PAIP2: variants seen among roughly 807,000 people sequenced by gnomAD.
PAIP2 encodes poly(A) binding protein interacting protein 2.
In PAIP2, 7 loss-of-function variants were observed where a neutral mutation model predicts 14.8. That is an observed-to-expected ratio of 0.47 (90% confidence interval 0.27 to 0.89). PAIP2 has a LOEUF of 0.89. Ranked by LOEUF, PAIP2 falls within the 40% of genes least tolerant of loss-of-function variation. The pLI is 0.13. For synonymous variants in PAIP2, 47 were observed against 45.3 expected (o/e 1.04, Z -0.15); for missense variants, 122 against 154.7 (o/e 0.79, Z 1.12).
Position 139,363,918 on chromosome 5 carries a change from G to A in PAIP2, c.134G>A (p.Arg45Lys), listed in dbSNP as rs1479367306. The change falls in exon 2 of 4, where the codon AGA becomes AAA. Residue 45 changes from arginine (R) to lysine (K), a missense_variant. Around this residue, in one of 3 missense-constraint regions of PAIP2, gnomAD observed 34 missense variants for 74.0 expected, o/e 0.46. Transcript: ENST00000265192. ...MWMENEEEFN[R>K]QIEEELWEEE... The stretch of plus-strand genomic sequence containing the variant: ...ATGGAAAATGAAGAAGAATTCAACA[G>A]ACAAGTTAGTTTTTTGTACAAACAT... 1 of 1,613,426 alleles carries A rather than the reference G, an allele frequency of 6.2e-7. No homozygotes were observed. The highest frequency in any genetic ancestry group is 1.1e-5 in the South Asian group (1 of 90,952).
chr5:139,359,931 A>C (rs1376236401), intron 1 of PAIP2, among the ~76,000 whole-genome samples: 1 of 151,418 alleles, frequency 6.6e-6, no homozygotes, highest in African/African-American at 2.4e-5. Context: ...AGATTGCACC[A>C]CTGTACTCTC....
At chr5:139,355,279 C>T (rs1437804905) in intron 1 of PAIP2, among the ~76,000 whole-genome samples, 3 of 149,758 alleles carry the variant, frequency 2.0e-5, no homozygotes, top group Admixed American at 6.8e-5. Flanking sequence ...AAGTGATTCT[C>T]CTGCCTCAGC....
intron 2 of PAIP2, 95 bp downstream of exon 2, chr5:139,364,017 A>G (rs1757147736): frequency 5.5e-6 from 6 of 1,083,456 alleles, no homozygotes; most frequent in South Asian, 4.3e-5. Context: ...TCCTTTATGT[A>G]TAAAGTATGT....
intron 1 of PAIP2, chr5:139,342,351 C>T (rs753466482): frequency 6.6e-6 from 1 of 152,188 alleles, no homozygotes; most frequent in Non-Finnish European, 1.5e-5. Context: ...CCCACCGCCT[C>T]GGCAACAAAG....
At chr5:139,357,043 GC>G (rs1347631799) in intron 1 of PAIP2, among the ~76,000 whole-genome samples, 1 of 152,080 alleles carries the variant, frequency 6.6e-6, no homozygotes, top group Non-Finnish European at 1.5e-5. Context: ...TGTGTGTGTG[GC>G]CATTGAAATC....
rs1271614722 is a variant in PAIP2 at position 139,363,874 on chromosome 5, A to G, written c.90A>G (p.Pro30=). 1.2e-6 allele frequency: 2 copies of G among 1,613,900 alleles called. No individual in the cohort carries two copies. ...INGHSHEDDN[P]FAEYMWMENE... Reference sequence around the variant, plus strand: ...GTCATTCTCATGAAGATGACAATCCATTTGCAGAGTACATGTGGATGGAAA... The same window carrying G: ...GTCATTCTCATGAAGATGACAATCCGTTTGCAGAGTACATGTGGATGGAAA... Residue 30 remains proline (P), a synonymous_variant, in exon 2 of 4, where the codon CCA becomes CCG. Transcript: ENST00000265192.
At chr5:139,349,753 C>T (rs1199204621) in intron 1 of PAIP2, among the ~76,000 whole-genome samples, 3 of 151,962 alleles carry the variant, frequency 2.0e-5, no homozygotes, top group African/African-American at 7.3e-5. Flanking sequence ...CCTGTAATTC[C>T]AGCACTTTGG....
chr5:139,354,129 G>A (rs1419498202), intron 1 of PAIP2, among the ~76,000 whole-genome samples: 1 of 152,076 alleles, frequency 6.6e-6, no homozygotes, highest in African/African-American at 2.4e-5. Context: ...TTTTAATTTT[G>A]TGTGGATTCA....
Position 139,368,778 on chromosome 5 carries a change from G to A in PAIP2, c.364G>A (p.Val122Met), listed in dbSNP as rs904036323. The A allele has an allele frequency of 9.9e-6, 16 of 1,613,076 alleles. No homozygotes were observed. Among genetic ancestry groups the A allele is most frequent in the African/African-American group, 1.3e-5 (1 of 75,002 alleles). Residue 122 changes from valine to methionine, a missense_variant, in exon 4 of 4, where the codon GTG becomes ATG. Transcript: ENST00000265192. ...NPNAKEFVPG[V>M]KYGNI The stretch of plus-strand genomic sequence containing the variant: ...AAATGCAAAGGAGTTTGTTCCTGGG[G>A]TGAAGTACGGAAATATTTGAGTAGA...
chr5:139,364,806 G>GCTCCC, intron 3 of PAIP2, 63 bp downstream of exon 3: 1 of 1,074,130 alleles, frequency 9.3e-7, no homozygotes, highest in Non-Finnish European at 1.4e-6. Flanking sequence ...GGAAAAGCCA[G>GCTCCC]CTCCCATCTA....
chr5:139,360,581 C>T (rs1474311962), intron 1 of PAIP2, among the ~76,000 whole-genome samples: 2 of 151,998 alleles, frequency 1.3e-5, no homozygotes, highest in Non-Finnish European at 2.9e-5. Flanking sequence ...CAACCTCCAC[C>T]TCCCAGGGTC....
rs1316878288 is a variant in PAIP2 at position 139,363,778 on chromosome 5, A to G, written c.-7A>G. ...TTTAAGGTTAAAAACGACAACCAAC[A>G]TCAGCCATGAAAGATCCAAGTCGCA... On this transcript the variant is annotated 5_prime_UTR_variant, in exon 2 of 4. Transcript: ENST00000265192. 6 of 1,612,640 alleles carry G rather than the reference A, an allele frequency of 3.7e-6. No individual in the cohort carries two copies. The Middle Eastern group carries it at 6.6e-4, about 177-fold the overall frequency.
intron 3 of PAIP2, among the ~76,000 whole-genome samples, chr5:139,365,860 A>G (rs1167527975): frequency 6.6e-6 from 1 of 152,120 alleles, no homozygotes; most frequent in African/African-American, 2.4e-5. Flanking sequence ...CAATATTATC[A>G]TGTTACTTGC....
intron 1 of PAIP2, among the ~76,000 whole-genome samples, chr5:139,344,225 TA>T (rs1157155891): frequency 1.2e-4 from 18 of 152,214 alleles, no homozygotes; most frequent in African/African-American, 4.3e-4. Flanking sequence ...CAAATCCAGA[TA>T]GTCCAGAGAT....
At chr5:139,359,976 CT>C (rs908556865) in intron 1 of PAIP2, among the ~76,000 whole-genome samples, 1 of 151,444 alleles carries the variant, frequency 6.6e-6, no homozygotes, top group African/African-American at 2.4e-5. Context: ...TTCTTCTTTT[CT>C]TTTTTTTGAG....
At chr5:139,362,052 G>T (rs2152053541) in intron 1 of PAIP2, among the ~76,000 whole-genome samples, 1 of 152,138 alleles carries the variant, frequency 6.6e-6, no homozygotes, top group South Asian at 2.1e-4. Flanking sequence ...GGCTATCAAG[G>T]AGAGATCCAG....
rs577501569 is a variant in PAIP2 at position 139,364,901 on chromosome 5, T to C, written c.318+158T>C. On this transcript the variant is annotated intron_variant, in intron 3 of 3. Transcript: ENST00000265192. ...GGCTCACGCCTGTAATCCCAGCACT[T>C]TGGGAGGCCGAGGCAGGCAGTTGAC... 5.8e-6 allele frequency: 3 copies of C among 515,372 alleles called. No homozygotes were observed. The East Asian group carries it at 9.9e-5, about 17-fold the overall frequency. The allele number at this position is 515,372 out of a possible 1,614,324, so 31.9% of individuals were successfully genotyped here.
rs61419083 is a variant in PAIP2 at position 139,343,708 on chromosome 5, GTTTTTTT to G, written c.-27+1743_-27+1749del. 3.8e-5 allele frequency among the ~76,000 whole-genome samples: 5 copies of G among 130,948 alleles called. No homozygotes were observed. In the South Asian group the frequency reaches 1.2e-3, roughly 32 times the overall value. 85.9% of individuals were successfully genotyped at this position (130,948 alleles called of 152,430 possible). ...ATGAAACGTGAAATGGGCAGAGCAA[GTTTTTTT>G]TTTTTTTTTTTTTTGAGATGGAGTC... On this transcript the variant is annotated intron_variant, in intron 1 of 3. Transcript: ENST00000265192.
At chr5:139,349,280 G>A (rs1756653525) in intron 1 of PAIP2, among the ~76,000 whole-genome samples, 1 of 151,958 alleles carries the variant, frequency 6.6e-6, no homozygotes, top group Admixed American at 6.6e-5. Flanking sequence ...ACGGAGTCTC[G>A]CTCTGTCGCC....
Sources: allele counts gnomAD v4.1 joint callset (sites outside exome capture counted in the v4.1 genomes callset), GRCh38; gene constraint gnomAD v4.1.1; regional missense constraint gnomAD v4.1.1; transcripts MANE v1.5; gene names NCBI Gene and HGNC (gene_info 2026-07-23, HGNC 2026-07-21).